The following ST8SIA4 variants were observed in gnomAD, a reference collection of about 807,000 sequenced individuals.
ST8SIA4 encodes the protein CMP-N-acetylneuraminate-poly-alpha-2,8-sialyltransferase.
A neutral mutation model predicts 33.9 loss-of-function variants in ST8SIA4; 15 were observed. The ratio of observed to expected loss-of-function variants is 0.44; its 90% CI spans 0.30 to 0.68. The LOEUF (loss-of-function observed/expected upper bound fraction) is 0.68, where lower values mean the gene tolerates loss of function less well. Ranked by LOEUF, ST8SIA4 falls within the 30% of genes least tolerant of loss-of-function variation. The pLI, the probability that ST8SIA4 is intolerant of heterozygous loss-of-function variation, is 0.10. For synonymous variants in ST8SIA4, 171 were observed against 151.2 expected, an observed-to-expected ratio of 1.13 and a Z score of -0.96; for missense variants, 321 against 428.0, an observed-to-expected ratio of 0.75 and a Z score of 2.21.
chr5:100,856,206 C>T lies in ST8SIA4; in HGVS notation c.694G>A (p.Gly232Arg), dbSNP rs771016321. The T allele has an allele frequency of 6.2e-7, 1 of 1,614,114 alleles. No individual in the cohort carries two copies. Among genetic ancestry groups the T allele is most frequent in the Admixed American group, 1.7e-5 (1 of 60,018 alleles). Residue 232 changes from glycine (G) to arginine (R), a missense_variant, in exon 4 of 5, where the codon GGA (glycine) becomes AGA (arginine). Coordinates refer to ENST00000231461, the MANE Select transcript of ST8SIA4 (RefSeq NM_005668.6). ...ACCCACTCCACGTGCTTCTCTCCTC[C>T]TTTGACCATGAAAGCAGGAATCCAA... ...VLWIPAFMVK[G>R]GEKHVEWVNA...
intron 3 of ST8SIA4, among the ~76,000 whole-genome samples, chr5:100,865,384 T>C (rs1433104893): frequency 1.3e-5 from 2 of 152,228 alleles, no homozygotes; most frequent in African/African-American, 4.8e-5. Flanking sequence ...ATTATTAATT[T>C]TTCCTTGTTG....
At chr5:100,817,447 A>G (rs1285892452) in intron 4 of ST8SIA4, among the ~76,000 whole-genome samples, 4 of 152,148 alleles carry the variant, frequency 2.6e-5, no homozygotes, top group South Asian at 4.1e-4. Flanking sequence ...ACATTTGTCA[A>G]TATGTCCATT....
chr5:100,849,743 C>G (rs1751649806), intron 4 of ST8SIA4, among the ~76,000 whole-genome samples: 1 of 151,854 alleles, frequency 6.6e-6, no homozygotes, highest in Non-Finnish European at 1.5e-5. Context: ...TGCAGTGAGC[C>G]GATATTGCAC....
At chr5:100,830,447 T>C (rs1327441974) in intron 4 of ST8SIA4, among the ~76,000 whole-genome samples, 1 of 152,248 alleles carries the variant, frequency 6.6e-6, no homozygotes, top group Non-Finnish European at 1.5e-5. Context: ...GTATTTATCG[T>C]TGAATAAAAC....
chr5:100,865,845 G>A (rs553106148), intron 3 of ST8SIA4, among the ~76,000 whole-genome samples: 2 of 151,936 alleles, frequency 1.3e-5, no homozygotes, highest in East Asian at 3.9e-4. Context: ...TTTTAGTTAC[G>A]CCTTGCTTAG....
At chr5:100,830,120 G>T (rs566607449) in intron 4 of ST8SIA4, among the ~76,000 whole-genome samples, 1 of 152,062 alleles carries the variant, frequency 6.6e-6, no homozygotes, top group Non-Finnish European at 1.5e-5. Flanking sequence ...TATGTGGCTC[G>T]CTCTAAGACT....
At chr5:100,895,078 T>G (rs954061660) in intron 2 of ST8SIA4, among the ~76,000 whole-genome samples, 9 of 152,148 alleles carry the variant, frequency 5.9e-5, no homozygotes, top group African/African-American at 2.2e-4. Context: ...TGGATAAACG[T>G]AGGCATGGAG....
chr5:100,854,929 G>C (rs147219272), intron 4 of ST8SIA4, among the ~76,000 whole-genome samples: 13 of 152,168 alleles, frequency 8.5e-5, no homozygotes, highest in Admixed American at 8.5e-4. Context: ...ATTGGTTTTT[G>C]TGCCTCTGGC....
intron 2 of ST8SIA4, among the ~76,000 whole-genome samples, chr5:100,892,152 C>T (rs1271765847): frequency 3.3e-5 from 5 of 151,786 alleles, no homozygotes; most frequent in Admixed American, 1.3e-4. Flanking sequence ...TTCGGGGTTT[C>T]TAGTCAACAT....
chr5:100,872,187 T>C (rs1438773169), intron 3 of ST8SIA4, among the ~76,000 whole-genome samples: 3 of 152,034 alleles, frequency 2.0e-5, no homozygotes, highest in Non-Finnish European at 4.4e-5. Flanking sequence ...TTTTAAAAAA[T>C]CTTATTCACT....
rs1387781128 is a variant in ST8SIA4 at position 100,855,145 on chromosome 5, G to C, written c.797+958C>G. ...TGCACTTCATCATTTGCTTGACCTG[G>C]TACCCTCTAATAATGCAACAGCATT... On this transcript the variant is annotated intron_variant, in intron 4 of 4. Coordinates refer to ENST00000231461, the MANE Select transcript of ST8SIA4 (RefSeq NM_005668.6). Among the ~76,000 whole-genome samples, 8 of 151,974 alleles carry C rather than the reference G, an allele frequency of 5.3e-5. No homozygotes were observed. In the South Asian group the frequency reaches 1.7e-3, roughly 32 times the overall value.
chr5:100,857,684 A>C (rs1387892741), intron 3 of ST8SIA4, among the ~76,000 whole-genome samples: 2 of 152,046 alleles, frequency 1.3e-5, no homozygotes, highest in African/African-American at 4.8e-5. Context: ...TTAATTAAAA[A>C]GTAAAGTATG....
intron 1 of ST8SIA4, chr5:100,900,584 C>A: frequency 2.3e-6 from 1 of 442,984 alleles, no homozygotes; most frequent in Non-Finnish European, 4.6e-6. Flanking sequence ...TTCCTGGCAG[C>A]TCCAACTCCT....
chr5:100,836,837 G>C (rs1304579678), intron 4 of ST8SIA4, among the ~76,000 whole-genome samples: 1 of 151,942 alleles, frequency 6.6e-6, no homozygotes, highest in African/African-American at 2.4e-5. Context: ...AAATCCATCA[G>C]AGAAAATTGC....
chr5:100,900,768 G>GGGGGT (rs1752891074), intron 1 of ST8SIA4, among the ~76,000 whole-genome samples: 1 of 133,334 alleles, frequency 7.5e-6, no homozygotes, highest in Admixed American at 7.5e-5. Context: ...GGTGGGGGGT[G>GGGGGT]GGGGTGGGGT....
rs760578717 is a variant in ST8SIA4, at chr5:100,886,301, C to A, written c.503+42G>T. On this transcript the variant is annotated intron_variant, in intron 3 of 4. Transcript: ENST00000231461. ...AGTTTTCCACCCCCAAGTAAAATAT[C>A]TTTGAAAAACTTACAATCTCAAAAA... 7.6e-6 allele frequency: 12 copies of A among 1,584,836 alleles called. No homozygotes were observed. The Admixed American group carries it at 2.2e-4, about 29-fold the overall frequency.
At chr5:100,869,801 T>C (rs913861612) in intron 3 of ST8SIA4, among the ~76,000 whole-genome samples, 2 of 152,176 alleles carry the variant, frequency 1.3e-5, no homozygotes, top group African/African-American at 4.8e-5. Flanking sequence ...CCTTGAATGT[T>C]CTTTATTACG....
intron 4 of ST8SIA4, among the ~76,000 whole-genome samples, chr5:100,844,983 T>C (rs1303107848): frequency 1.3e-5 from 2 of 152,126 alleles, no homozygotes; most frequent in Non-Finnish European, 2.9e-5. Flanking sequence ...CAGTATCTTG[T>C]TTCCTACATG....
intron 4 of ST8SIA4, among the ~76,000 whole-genome samples, chr5:100,835,978 T>C (rs971882915): frequency 6.6e-6 from 1 of 152,118 alleles, no homozygotes; most frequent in Admixed American, 6.6e-5. Context: ...CCAAAATTCA[T>C]TTATGTATTT....
Sources: allele counts gnomAD v4.1 joint callset (sites outside exome capture counted in the v4.1 genomes callset), GRCh38; gene constraint gnomAD v4.1.1; transcripts MANE v1.5; gene names NCBI Gene and HGNC (gene_info 2026-07-23, HGNC 2026-07-21).